Variants in ASB18 observed in about 807,000 individuals in gnomAD.
ASB18 encodes the protein ankyrin repeat and SOCS box containing 18.
In ASB18, 33 loss-of-function variants were observed where a neutral mutation model predicts 33.4. The observed-to-expected ratio is 0.99, with a 90% confidence interval of 0.75 to 1.32. ASB18 has a LOEUF of 1.32. Ranked by LOEUF, ASB18 falls within the 40% of genes most tolerant of loss-of-function variation. The pLI, the probability that ASB18 is intolerant of heterozygous loss-of-function variation, is 0.00. For synonymous variants in ASB18, 295 were observed against 307.6 expected (o/e 0.96, Z 0.43); for missense variants, 694 against 655.5 (o/e 1.06, Z -0.64).
Position 236,222,202 on chromosome 2 carries a change from T to TGG in ASB18, c.597-7337_597-7336insCC, listed in dbSNP as rs2060516081. ...CTTTGGGGATCTTCCATCTACCCCT[T>TGG]TCTGTTCTGCATTTTCTTTTCTCTC... is the stretch of plus-strand genomic sequence containing the variant. On this transcript the variant is annotated intron_variant, in intron 3 of 5. Transcript: ENST00000409749. This position sits in a 1 kb window ranked among gnomAD's most constrained non-coding sequence, Gnocchi z 5.5. 6.6e-6 allele frequency among the ~76,000 whole-genome samples: 1 copy of TGG among 152,188 alleles called. No homozygotes were observed. The highest frequency in any genetic ancestry group is 1.5e-5 in the Non-Finnish European group (1 of 68,020).
At chr2:236,243,646 C>T (rs2106281535) in intron 1 of ASB18, among the ~76,000 whole-genome samples, 1 of 151,846 alleles carries the variant, frequency 6.6e-6, no homozygotes, top group Non-Finnish European at 1.5e-5. Context: ...AGAACTGATC[C>T]CTAAATGTGC....
Position 236,196,956 on chromosome 2 carries a change from A to G in ASB18, c.1102-571T>C, listed in dbSNP as rs956650652. Among the ~76,000 whole-genome samples, 1 of 152,212 alleles carries G rather than the reference A, an allele frequency of 6.6e-6. No individual in the cohort carries two copies. Among genetic ancestry groups the G allele is most frequent in the Non-Finnish European group, 1.5e-5 (1 of 68,040 alleles). On this transcript the variant is annotated intron_variant, in intron 4 of 5. Coordinates refer to ENST00000409749, the MANE Select transcript of ASB18 (RefSeq NM_212556.4). This position sits in a 1 kb window ranked among gnomAD's most constrained non-coding sequence, Gnocchi z 5.6. ...ATAATTCAAGTCCATTAGCTTCACC[A>G]TAAAGATGGGAACACTATTTGCTTT...
chr2:236,232,561 G>C (rs1271085734), intron 3 of ASB18, among the ~76,000 whole-genome samples: 1 of 151,940 alleles, frequency 6.6e-6, no homozygotes, highest in East Asian at 1.9e-4. Context: ...AGACTTATTG[G>C]GGGGAAAAGA....
At position 236,238,139 on chromosome 2, in the gene ASB18, G is replaced by A. The variant is rs1434040221; in HGVS notation, c.329-183C>T. On this transcript the variant is annotated intron_variant, in intron 2 of 5. Transcript: ENST00000409749. This position sits in a 1 kb window ranked among gnomAD's most constrained non-coding sequence, Gnocchi z 5.2. Reference sequence around the variant, plus strand: ...AGACAGAGAGCAGAGAGACACACTGGGAAGAGACAGGCGTAGACAGAGGAA... The same window carrying A: ...AGACAGAGAGCAGAGAGACACACTGAGAAGAGACAGGCGTAGACAGAGGAA... Among the ~76,000 whole-genome samples the A allele has an allele frequency of 6.6e-6, 1 of 152,096 alleles. No homozygotes were observed. Among genetic ancestry groups the A allele is most frequent in the African/African-American group, 2.4e-5 (1 of 41,412 alleles).
rs73128929 is a variant in ASB18, at chr2:236,237,133, G to A, written c.596+556C>T. Among the ~76,000 whole-genome samples the A allele has an allele frequency of 0.057, 8,628 of 151,616 alleles. 544 individuals carry two copies. Among genetic ancestry groups the A allele is most frequent in the African/African-American group, 0.16 (6,492 of 41,432 alleles). ...GCTTCCGAGCGGGCCTGGAAGCCCC[G>A]CCCGAGGAGCTAACCATTTATGTCA... On this transcript the variant is annotated intron_variant, in intron 3 of 5. Coordinates refer to ENST00000409749, the MANE Select transcript of ASB18 (RefSeq NM_212556.4). This position sits in a 1 kb window ranked among gnomAD's most constrained non-coding sequence, Gnocchi z 6.2.
chr2:236,202,035 C>T (rs938392087), intron 4 of ASB18, among the ~76,000 whole-genome samples: 11 of 151,962 alleles, frequency 7.2e-5, no homozygotes, highest in Non-Finnish European at 1.3e-4. Context: ...CTGCAACCTC[C>T]ATCTCCTGGG....
Position 236,245,938 on chromosome 2 carries a change from C to A in ASB18, c.206-4536G>T, listed in dbSNP as rs148410450. On this transcript the variant is annotated intron_variant, in intron 1 of 5. Coordinates refer to ENST00000409749, the MANE Select transcript of ASB18 (RefSeq NM_212556.4). This position sits in a 1 kb window ranked among gnomAD's most constrained non-coding sequence, Gnocchi z 4.7. ...TCACCCTTAGGGAAGAACACCATAA[C>A]GTGGACGCTCGGCTGGCCTAGGGCA... 4.6e-5 allele frequency among the ~76,000 whole-genome samples: 7 copies of A among 152,132 alleles called. No individual in the cohort carries two copies. Among genetic ancestry groups the A allele is most frequent in the Non-Finnish European group, 1.0e-4 (7 of 68,034 alleles).
rs1217529199 is a variant in ASB18, at chr2:236,220,896, T to C, written c.597-6030A>G. ...GTAAGGAGAAGTGTTTCTCCTCTTA[T>C]CACTCCACAGGAATTCCTGGACAGA... On this transcript the variant is annotated intron_variant, in intron 3 of 5. Transcript: ENST00000409749. This position sits in a 1 kb window ranked among gnomAD's most constrained non-coding sequence, Gnocchi z 5.1. Among the ~76,000 whole-genome samples the C allele has an allele frequency of 6.6e-6, 1 of 152,154 alleles. No homozygotes were observed. The highest frequency in any genetic ancestry group is 1.9e-4 in the East Asian group (1 of 5,180).
At position 236,264,165 on chromosome 2, in the gene ASB18, G is replaced by A; in HGVS notation, c.181C>T (p.Gln61Ter). The change falls in exon 1 of 6, where the codon CAG becomes TAG. Residue 61 changes from glutamine to a stop codon, truncating the protein, a stop_gained. Transcript: ENST00000409749. LOFTEE classifies it high-confidence loss of function. The surrounding 1 kb of genome is among the most constrained non-coding windows in gnomAD (Gnocchi z 5.1). ...CCTAGCAGCATGCCGGTGGGCAGCT[G>A]AGCCGAGGGGTCTTTCATCCAGTCG... ...NDDWMKDPSA[Q>*]LPTGMLLGDL... 6.2e-7 allele frequency: 1 copy of A among 1,613,872 alleles called. No homozygotes were observed. Among genetic ancestry groups the A allele is most frequent in the Non-Finnish European group, 8.5e-7 (1 of 1,179,886 alleles).
chr2:236,264,011 G>A lies in ASB18; in HGVS notation c.205+130C>T, dbSNP rs1043744210. ...AGTACACATATATGCATGTATGTAT[G>A]AGAGTCAGATATCCGAGTACATATC... On this transcript the variant is annotated intron_variant, in intron 1 of 5. Coordinates refer to ENST00000409749, the MANE Select transcript of ASB18 (RefSeq NM_212556.4). The surrounding 1 kb of genome is among the most constrained non-coding windows in gnomAD (Gnocchi z 5.1). 2.7e-6 allele frequency: 2 copies of A among 733,938 alleles called. No individual in the cohort carries two copies. The highest frequency in any genetic ancestry group is 3.4e-5 in the South Asian group (2 of 59,006). The allele number at this position is 733,938 out of a possible 1,614,324, so 45.5% of individuals were successfully genotyped here.
At position 236,239,820 on chromosome 2, in the gene ASB18, G is replaced by A. The variant is rs1187669612; in HGVS notation, c.328+1460C>T. ...CACTGCTTTCAAACAGGGTCTGGTC[G>A]TTTCTGCTGCTGGATCTGCTGCAGG... On this transcript the variant is annotated intron_variant, in intron 2 of 5. Transcript: ENST00000409749. This position sits in a 1 kb window ranked among gnomAD's most constrained non-coding sequence, Gnocchi z 5.6. Among the ~76,000 whole-genome samples the A allele has an allele frequency of 6.6e-6, 1 of 152,236 alleles. No individual in the cohort carries two copies. The highest frequency in any genetic ancestry group is 1.5e-5 in the Non-Finnish European group (1 of 68,046).
Position 236,245,829 on chromosome 2 carries a change from C to T in ASB18, c.206-4427G>A, listed in dbSNP as rs1335290459. 2.6e-5 allele frequency among the ~76,000 whole-genome samples: 4 copies of T among 152,184 alleles called. No individual in the cohort carries two copies. Among genetic ancestry groups the T allele is most frequent in the East Asian group, 1.9e-4 (1 of 5,192 alleles). ...TCTTCAATGCCAACAGTGAAGAGAA[C>T]GAATGGACTGGACTCTTTGAAACTT... On this transcript the variant is annotated intron_variant, in intron 1 of 5. Coordinates refer to ENST00000409749, the MANE Select transcript of ASB18 (RefSeq NM_212556.4). The surrounding 1 kb of genome is among the most constrained non-coding windows in gnomAD (Gnocchi z 4.7).
In ASB18 at chr2:236,220,892, C is replaced by T. The variant is rs10929177; in HGVS notation, c.597-6026G>A. 0.14 allele frequency among the ~76,000 whole-genome samples: 21,926 copies of T among 152,138 alleles called. 1,672 individuals are homozygous for T. The highest frequency in any genetic ancestry group is 0.22 in the Middle Eastern group (64 of 294). The stretch of plus-strand genomic sequence containing the variant: ...CGAGGTAAGGAGAAGTGTTTCTCCT[C>T]TTATCACTCCACAGGAATTCCTGGA... On this transcript the variant is annotated intron_variant, in intron 3 of 5. Coordinates refer to ENST00000409749, the MANE Select transcript of ASB18 (RefSeq NM_212556.4). This position sits in a 1 kb window ranked among gnomAD's most constrained non-coding sequence, Gnocchi z 5.1.
chr2:236,197,180 G>A (rs1015984105), intron 4 of ASB18, among the ~76,000 whole-genome samples: 1 of 151,426 alleles, frequency 6.6e-6, no homozygotes, highest in Non-Finnish European at 1.5e-5. Context: ...TCTTTTATAT[G>A]ACCCTTTGAA....
At position 236,244,660 on chromosome 2, in the gene ASB18, GCTTT is replaced by G. The variant is rs1297331405; in HGVS notation, c.206-3262_206-3259del. ...ACCTCTGAGTGCCCAACCAGAGCAG[GCTTT>G]CTGTGTGGGCTCTTTATTTGGAAGA... is the stretch of plus-strand genomic sequence containing the variant. On this transcript the variant is annotated intron_variant, in intron 1 of 5. Coordinates refer to ENST00000409749, the MANE Select transcript of ASB18 (RefSeq NM_212556.4). The surrounding 1 kb of genome is among the most constrained non-coding windows in gnomAD (Gnocchi z 6.1). 6.6e-6 allele frequency among the ~76,000 whole-genome samples: 1 copy of G among 152,014 alleles called. No homozygotes were observed. Among genetic ancestry groups the G allele is most frequent in the Non-Finnish European group, 1.5e-5 (1 of 68,024 alleles).
intron 4 of ASB18, among the ~76,000 whole-genome samples, chr2:236,201,589 T>C (rs1045947496): frequency 2.6e-5 from 4 of 152,144 alleles, no homozygotes; most frequent in Non-Finnish European, 5.9e-5. Context: ...TATTGCAATA[T>C]GGCTGTAGAC....
At position 236,196,109 on chromosome 2, in the gene ASB18, C is replaced by T. The variant is rs753462612; in HGVS notation, c.1215+163G>A. 87 of 662,362 alleles carry T rather than the reference C, an allele frequency of 1.3e-4. No homozygotes were observed. Among genetic ancestry groups the T allele is most frequent in the African/African-American group, 6.7e-4 (37 of 55,614 alleles). The allele number at this position is 662,362 out of a possible 1,614,324, so 41.0% of individuals were successfully genotyped here. A position where few individuals can be genotyped will look rare whatever the true frequency, so the allele number is the denominator to read the frequency against. Reference sequence around the variant, plus strand: ...GCTCCTGGCTGTGTGATTATGGAGCCTCCAGAAAAAACCAGAAACGTGCAA... The same window carrying T: ...GCTCCTGGCTGTGTGATTATGGAGCTTCCAGAAAAAACCAGAAACGTGCAA... On this transcript the variant is annotated intron_variant, in intron 5 of 5. Transcript: ENST00000409749. This position sits in a 1 kb window ranked among gnomAD's most constrained non-coding sequence, Gnocchi z 5.6.
At position 236,260,069 on chromosome 2, in the gene ASB18, T is replaced by C. The variant is rs2060711023; in HGVS notation, c.205+4072A>G. Reference sequence around the variant, plus strand: ...TAGTAAGTTCACAGGCCGATGAGCATGGTGATTGCACTGCAAGAGGCAAGG... The same window carrying C: ...TAGTAAGTTCACAGGCCGATGAGCACGGTGATTGCACTGCAAGAGGCAAGG... On this transcript the variant is annotated intron_variant, in intron 1 of 5. Transcript: ENST00000409749. The surrounding 1 kb of genome is among the most constrained non-coding windows in gnomAD (Gnocchi z 5.1). Among the ~76,000 whole-genome samples the C allele has an allele frequency of 6.6e-6, 1 of 152,240 alleles. No individual in the cohort carries two copies. The highest frequency in any genetic ancestry group is 6.5e-5 in the Admixed American group (1 of 15,288).
In ASB18 at chr2:236,262,387, T is replaced by C. The variant is rs889783382; in HGVS notation, c.205+1754A>G. On this transcript the variant is annotated intron_variant, in intron 1 of 5. Transcript: ENST00000409749. The surrounding 1 kb of genome is among the most constrained non-coding windows in gnomAD (Gnocchi z 5.2). ...CACAGCGGATGGCCATTCCTAACCC[T>C]GTACCTGATAGGGCTGGAGGAGGGG... 2.0e-5 allele frequency among the ~76,000 whole-genome samples: 3 copies of C among 152,340 alleles called. No individual in the cohort carries two copies. The highest frequency in any genetic ancestry group is 2.0e-4 in the Admixed American group (3 of 15,306).
Sources: allele counts gnomAD v4.1 joint callset (sites outside exome capture counted in the v4.1 genomes callset), GRCh38; gene constraint gnomAD v4.1.1; non-coding constraint Gnocchi (gnomAD v3.1); transcripts MANE v1.5; gene names NCBI Gene and HGNC (gene_info 2026-07-23, HGNC 2026-07-21).